HEMK1: variants seen among roughly 807,000 people sequenced by gnomAD.
The protein encoded by HEMK1 is MTRF1L release factor glutamine methyltransferase.
HEMK1 carries 36 observed loss-of-function variants against 47.9 expected under a neutral mutation model. The ratio of observed to expected loss-of-function variants is 0.75; its 90% CI spans 0.58 to 0.99. The LOEUF is 0.99. Ranked by LOEUF, HEMK1 falls within the 50% of genes least tolerant of loss-of-function variation. The pLI, the probability that HEMK1 is intolerant of heterozygous loss-of-function variation, is 0.00. For missense variants in HEMK1, 383 were observed against 434.5 expected, an observed-to-expected ratio of 0.88 and a Z score of 1.05; for synonymous variants, 153 against 165.4, an observed-to-expected ratio of 0.93 and a Z score of 0.57.
At chr3:50,570,352 T>C (rs1700800070) in intron 1 of HEMK1, 2 of 152,206 alleles carry the variant, frequency 1.3e-5, no homozygotes, top group Non-Finnish European at 2.9e-5. Flanking sequence ...TAGTTGGTGG[T>C]TTACGCTGAT....
intron 4 of HEMK1, among the ~76,000 whole-genome samples, chr3:50,574,143 C>G (rs1417016924): frequency 6.6e-6 from 1 of 152,204 alleles, no homozygotes; most frequent in African/African-American, 2.4e-5. Flanking sequence ...ACTGCCTGCC[C>G]CTCACCTCTT....
At position 50,591,243 on chromosome 3, in the gene HEMK1, T is replaced by A. The variant is rs2031706283; in HGVS notation, c.*10826T>A. ...CCTGTCTTACCTGCAGGCCCATCAT[T>A]CCTGCACAGTCATTTATTAGGCACC... On this transcript the variant is annotated 3_prime_UTR_variant, in exon 11 of 11. Transcript: ENST00000232854. The A allele has an allele frequency of 6.6e-6, 1 of 152,206 alleles. No individual in the cohort carries two copies. Among genetic ancestry groups the A allele is most frequent in the Non-Finnish European group, 1.5e-5 (1 of 68,036 alleles). The allele number at this position is 152,206 out of a possible 1,614,324, so 9.4% of individuals were successfully genotyped here.
chr3:50,585,138 G>C lies in HEMK1; in HGVS notation c.*4721G>C, dbSNP rs2031245891. On this transcript the variant is annotated 3_prime_UTR_variant, in exon 11 of 11. Transcript: ENST00000232854. ...GATGTGGGGAGAAAGTGCAAGGCTGGCCTCCATGGCCCATCTCCAGAGACT... is the reference window on the plus strand; with the variant it reads ...GATGTGGGGAGAAAGTGCAAGGCTGCCCTCCATGGCCCATCTCCAGAGACT... The C allele has an allele frequency of 6.6e-6, 1 of 152,286 alleles. No individual in the cohort carries two copies. The highest frequency in any genetic ancestry group is 2.4e-5 in the African/African-American group (1 of 41,444). The allele number at this position is 152,286 out of a possible 1,614,324, so 9.4% of individuals were successfully genotyped here.
At chr3:50,577,729 C>T in intron 6 of HEMK1, 97 bp from the exon 7 acceptor site, 1 of 1,422,878 alleles carries the variant, frequency 7.0e-7, no homozygotes, top group Non-Finnish European at 9.9e-7. Context: ...CAGTGAGTAT[C>T]TTGCCAGTCC....
At position 50,579,546 on chromosome 3, in the gene HEMK1, G is replaced by A. The variant is rs139891825; in HGVS notation, c.771-298G>A. ...CCCCAGATCTCCCAGACCAAGAAGA[G>A]GAGCAGCCTGTGGGGAGACACTCAT... is the stretch of plus-strand genomic sequence containing the variant. On this transcript the variant is annotated intron_variant, in intron 8 of 10. Transcript: ENST00000232854. 4.1e-3 allele frequency among the ~76,000 whole-genome samples: 623 copies of A among 152,328 alleles called. 2 individuals are homozygous for A. Among genetic ancestry groups the A allele is most frequent in the Non-Finnish European group, 7.1e-3 (485 of 68,032 alleles).
At chr3:50,574,146 C>G (rs1167693188) in intron 4 of HEMK1, among the ~76,000 whole-genome samples, 1 of 152,230 alleles carries the variant, frequency 6.6e-6, no homozygotes. Context: ...GCCTGCCCCT[C>G]ACCTCTTTCC....
rs987182664 is a variant in HEMK1 at position 50,582,321 on chromosome 3, G to A, written c.*1904G>A. ...CACAACTTTCTGCCCAGAAAAATGT[G>A]CAGCTTGACTCTGCTGAGGAAAAGG... On this transcript the variant is annotated 3_prime_UTR_variant, in exon 11 of 11. Transcript: ENST00000232854. 1.3e-5 allele frequency: 2 copies of A among 152,266 alleles called. No homozygotes were observed. The highest frequency in any genetic ancestry group is 2.1e-4 in the South Asian group (1 of 4,834). The allele number at this position is 152,266 out of a possible 1,614,324, so 9.4% of individuals were successfully genotyped here.
Position 50,575,274 on chromosome 3 carries a change from T to G in HEMK1, c.415-1778T>G, listed in dbSNP as rs191028583. 3.3e-5 allele frequency among the ~76,000 whole-genome samples: 5 copies of G among 151,940 alleles called. No individual in the cohort carries two copies. The East Asian group carries it at 9.7e-4, about 29-fold the overall frequency. The stretch of plus-strand genomic sequence containing the variant: ...CCTGTCTCTACTAAAAATACAAAAT[T>G]AGCCAGGCACAATGGTGCATGCCTG... On this transcript the variant is annotated intron_variant, in intron 4 of 10. Transcript: ENST00000232854.
At position 50,571,415 on chromosome 3, in the gene HEMK1, A is replaced by C. The variant is rs565200952; in HGVS notation, c.228+83A>C. On this transcript the variant is annotated intron_variant, in intron 2 of 10. Transcript: ENST00000232854. ...GGATATCCAGGTTTTCTGTTCACTA[A>C]GAGTGCTTAGCTGAGACTGATGGGA... 8 of 1,050,164 alleles carry C rather than the reference A, an allele frequency of 7.6e-6. No individual in the cohort carries two copies. In the African/African-American group the frequency reaches 1.1e-4, roughly 15 times the overall value. The allele number at this position is 1,050,164 out of a possible 1,614,324, so 65.1% of individuals were successfully genotyped here.
Position 50,581,619 on chromosome 3 carries a change from G to T in HEMK1, c.*1202G>T, listed in dbSNP as rs957379377. ...CAACCTCTTTACTCTTAGTCAAGTG[G>T]AATGTGCATGCTGGCATCTGAATGT... is the stretch of plus-strand genomic sequence containing the variant. On this transcript the variant is annotated 3_prime_UTR_variant, in exon 11 of 11. Transcript: ENST00000232854. 6.6e-6 allele frequency: 1 copy of T among 152,278 alleles called. No homozygotes were observed. Among genetic ancestry groups the T allele is most frequent in the Non-Finnish European group, 1.5e-5 (1 of 68,060 alleles). The allele number at this position is 152,278 out of a possible 1,614,324, so 9.4% of individuals were successfully genotyped here.
At position 50,581,517 on chromosome 3, in the gene HEMK1, T is replaced by C. The variant is rs1487336429; in HGVS notation, c.*1100T>C. ...GGGAGAGCTGAGTTCCAGGGCTGTG[T>C]CCTGCAGTGGGACCTTGGGCAACTC... is the stretch of plus-strand genomic sequence containing the variant. On this transcript the variant is annotated 3_prime_UTR_variant, in exon 11 of 11. Transcript: ENST00000232854. 1.3e-5 allele frequency: 2 copies of C among 152,330 alleles called. No homozygotes were observed. Among genetic ancestry groups the C allele is most frequent in the African/African-American group, 2.4e-5 (1 of 41,456 alleles). 9.4% of individuals were successfully genotyped at this position (152,330 alleles called of 1,614,324 possible).
rs75013441 is a variant in HEMK1, at chr3:50,571,228, A to G, written c.124A>G (p.Ile42Val). The G allele has an allele frequency of 2.4e-4, 394 of 1,613,942 alleles. No individual in the cohort carries two copies. Among genetic ancestry groups the G allele is most frequent in the Non-Finnish European group, 3.2e-4 (372 of 1,179,932 alleles). The change falls in exon 2 of 11, where the codon ATA becomes GTA. Residue 42 changes from isoleucine to valine, a missense_variant. Physicochemically the swap from Ile to Val is conservative, Grantham distance 29 (BLOSUM62 3). Coordinates refer to ENST00000232854, the MANE Select transcript of HEMK1 (RefSeq NM_016173.5). ...QPPLAGLSSA[I>V]ELVSHWTGVF... The stretch of plus-strand genomic sequence containing the variant: ...ACCTCTGGCTGGGTTATCCAGTGCC[A>G]TAGAACTGGTCAGCCACTGGACTGG...
chr3:50,570,226 C>T (rs1401533228), intron 1 of HEMK1: 1 of 152,246 alleles, frequency 6.6e-6, no homozygotes, highest in Non-Finnish European at 1.5e-5. Context: ...TGGCACTTAG[C>T]AGGTGCTTAA....
intron 10 of HEMK1, 33 bp from the exon 11 acceptor site, chr3:50,580,348 G>T: frequency 6.2e-7 from 1 of 1,614,012 alleles, no homozygotes; most frequent in Non-Finnish European, 8.5e-7. Context: ...CTGAGGCCCA[G>T]GTGGTAACCA....
intron 8 of HEMK1, 61 bp from the exon 9 acceptor site, chr3:50,579,783 C>T: frequency 8.0e-7 from 1 of 1,251,074 alleles, no homozygotes; most frequent in Non-Finnish European, 1.2e-6. Context: ...TTGCCCATGC[C>T]CTCCATGCAT....
intron 4 of HEMK1, among the ~76,000 whole-genome samples, chr3:50,575,753 T>C (rs1701524989): frequency 6.6e-6 from 1 of 152,178 alleles, no homozygotes; most frequent in Admixed American, 6.5e-5. Context: ...CCTGACCCTC[T>C]GGGGGGCTTC....
chr3:50,573,207 T>A (rs945940960), intron 4 of HEMK1, among the ~76,000 whole-genome samples: 2 of 151,988 alleles, frequency 1.3e-5, no homozygotes, highest in African/African-American at 4.8e-5. Flanking sequence ...CACAGGGCTG[T>A]CAAGGAAGGG....
Position 50,571,278 on chromosome 3 carries a change from T to C in HEMK1, c.174T>C (p.Pro58=), listed in dbSNP as rs143565256. The change falls in exon 2 of 11, where the codon CCT becomes CCC. Residue 58 remains proline, a synonymous_variant. Coordinates refer to ENST00000232854, the MANE Select transcript of HEMK1 (RefSeq NM_016173.5). ...GGGTCTTTGAGAAGAGGGGTATCCC[T>C]GAGGCCCGGGAATCCAGTGAGTACA... ...WTGVFEKRGI[P]EARESSEYIV... 6.2e-4 allele frequency: 995 copies of C among 1,612,586 alleles called. 1 individual carries two copies. Among genetic ancestry groups the C allele is most frequent in the Admixed American group, 2.0e-3 (122 of 59,786 alleles).
chr3:50,570,778 G>A, intron 1 of HEMK1, 153 bp from the exon 2 acceptor site: 1 of 234,372 alleles, frequency 4.3e-6, no homozygotes, highest in Non-Finnish European at 8.3e-6. Context: ...AACGTAAGTG[G>A]CCAAGACAAG....
Sources: gnomAD v4.1 joint callset for allele counts (sites outside exome capture counted in the v4.1 genomes callset) on GRCh38, gnomAD v4.1.1 for gene constraint, MANE v1.5 for transcripts, NCBI Gene and HGNC (gene_info 2026-07-23, HGNC 2026-07-21) for gene names.